The following DES variants were observed in gnomAD, a reference collection of about 807,000 sequenced individuals.
DES encodes the protein cardiomyopathy, dilated 1F (autosomal dominant).
A neutral mutation model predicts 55.1 loss-of-function variants in DES; 34 were observed. The ratio of observed to expected loss-of-function variants is 0.62; its 90% CI spans 0.47 to 0.82. DES has a LOEUF of 0.82. Among genes scored for constraint, DES ranks in the 40% least tolerant of loss-of-function variants. The probability of loss-of-function intolerance (pLI) is 0.00; values close to 1 mark genes in which losing one functional copy is unlikely to be tolerated. For synonymous variants in DES, 259 were observed against 270.8 expected (o/e 0.96, Z 0.43); for missense variants, 596 against 645.9 (o/e 0.92, Z 0.84).
rs376252504 is a variant in DES at position 219,421,583 on chromosome 2, G to A, written c.1244+23G>A. ...CCGGTGAGGGGCCAGGCAGGAGCCC[G>A]AGTGGGAGGTGCGGGGTGCTGGGTG... On this transcript the variant is annotated intron_variant, in intron 6 of 8. Transcript: ENST00000373960. 1.4e-4 allele frequency: 225 copies of A among 1,610,070 alleles called. No homozygotes were observed. In the African/African-American group the frequency reaches 2.4e-3, roughly 17 times the overall value.
At chr2:219,424,903 T>G (rs569255694) in intron 7 of DES, among the ~76,000 whole-genome samples, 2 of 151,764 alleles carry the variant, frequency 1.3e-5, no homozygotes, top group Non-Finnish European at 2.9e-5. Context: ...TCATCTGAAT[T>G]TTTTTTTTCT....
In DES at chr2:219,426,367, C is replaced by T. The variant is rs1422917484; in HGVS notation, c.*377C>T. 4.9e-6 allele frequency: 2 copies of T among 409,142 alleles called. No individual in the cohort carries two copies. The highest frequency in any genetic ancestry group is 7.1e-5 in the Admixed American group (2 of 28,042). The allele number at this position is 409,142 out of a possible 1,614,324, so 25.3% of individuals were successfully genotyped here. Reference sequence around the variant, plus strand: ...AGCAGGGTGTTGGGATACTGCAGGGCCAGGACTGAGCCCCGCAGACCTCCC... The same window carrying T: ...AGCAGGGTGTTGGGATACTGCAGGGTCAGGACTGAGCCCCGCAGACCTCCC... On this transcript the variant is annotated 3_prime_UTR_variant, in exon 9 of 9. Coordinates refer to ENST00000373960, the MANE Select transcript of DES (RefSeq NM_001927.4). This position sits in a 1 kb window ranked among gnomAD's most constrained non-coding sequence, Gnocchi z 4.5.
Position 219,419,082 on chromosome 2 carries a change from G to C in DES, c.578+42G>C. On this transcript the variant is annotated intron_variant, in intron 1 of 8. Transcript: ENST00000373960. This position sits in a 1 kb window ranked among gnomAD's most constrained non-coding sequence, Gnocchi z 4.3. The stretch of plus-strand genomic sequence containing the variant: ...CCAGACTCCTCTTTCTGCGGGCAGG[G>C]CACAGGAGGCTAGGCCTGGGGTCTG... 6.5e-7 allele frequency: 1 copy of C among 1,535,422 alleles called. No homozygotes were observed. Among genetic ancestry groups the C allele is most frequent in the Non-Finnish European group, 8.7e-7 (1 of 1,146,560 alleles).
Position 219,419,008 on chromosome 2 carries a change from C to T in DES, c.546C>T (p.Asn182=). The change falls in exon 1 of 9, where the codon AAC becomes AAT. Residue 182 remains asparagine, a synonymous_variant. Transcript: ENST00000373960. This position sits in a 1 kb window ranked among gnomAD's most constrained non-coding sequence, Gnocchi z 4.3. ...QRARVDVERD[N]LLDDLQRLKA... is the part of the protein sequence containing the mutation. Reference sequence around the variant, plus strand: ...CGCGCGTCGACGTCGAGCGCGACAACCTGCTCGACGACCTGCAGCGGCTCA... The same window carrying T: ...CGCGCGTCGACGTCGAGCGCGACAATCTGCTCGACGACCTGCAGCGGCTCA... The T allele has an allele frequency of 5.2e-6, 8 of 1,546,992 alleles. No homozygotes were observed. The highest frequency in any genetic ancestry group is 7.0e-6 in the Non-Finnish European group (8 of 1,147,582).
rs1954423268 is a variant in DES, at chr2:219,420,681, G to A, written c.897+25G>A. On this transcript the variant is annotated intron_variant, in intron 4 of 8. Transcript: ENST00000373960. This position sits in a 1 kb window ranked among gnomAD's most constrained non-coding sequence, Gnocchi z 6.0. Reference sequence around the variant, plus strand: ...GGTGGGTGGCCTCGCCCGGGGACTGGCATCTCCGTCCCCCTGAATCCCAGC... The same window carrying A: ...GGTGGGTGGCCTCGCCCGGGGACTGACATCTCCGTCCCCCTGAATCCCAGC... 6.2e-7 allele frequency: 1 copy of A among 1,613,882 alleles called. No individual in the cohort carries two copies. The highest frequency in any genetic ancestry group is 1.1e-5 in the South Asian group (1 of 91,070).
In DES at chr2:219,418,996, CGAGCGCGACAACCT is replaced by C; in HGVS notation, c.536_549del (p.Glu179AlafsTer41). 6.5e-7 allele frequency: 1 copy of C among 1,549,368 alleles called. No individual in the cohort carries two copies. Among genetic ancestry groups the C allele is most frequent in the Non-Finnish European group, 8.7e-7 (1 of 1,147,858 alleles). ...CTAACCAGCGCGCGCGCGTCGACGT[CGAGCGCGACAACCT>C]GCTCGACGACCTGCAGCGGCTCAAG... On this transcript the variant is annotated frameshift_variant, in exon 1 of 9. Coordinates refer to ENST00000373960, the MANE Select transcript of DES (RefSeq NM_001927.4). LOFTEE classifies it high-confidence loss of function.
chr2:219,418,417 C>CCGCCGCCTCCT lies in DES; in HGVS notation c.-44_-34dup. ...ATCCACTCTCCGGCCGGCCGCCTGC[C>CCGCCGCCTCCT]CGCCGCCTCCTCCGTGCGCCCGCCA... On this transcript the variant is annotated 5_prime_UTR_variant, in exon 1 of 9. Coordinates refer to ENST00000373960, the MANE Select transcript of DES (RefSeq NM_001927.4). 3.9e-6 allele frequency: 6 copies of CCGCCGCCTCCT among 1,533,478 alleles called. No individual in the cohort carries two copies. Among genetic ancestry groups the CCGCCGCCTCCT allele is most frequent in the Non-Finnish European group, 5.2e-6 (6 of 1,149,896 alleles). 95.0% of individuals were successfully genotyped at this position (1,533,478 alleles called of 1,614,324 possible). A position where few individuals can be genotyped will look rare whatever the true frequency, so the allele number is the denominator to read the frequency against.
intron 7 of DES, chr2:219,425,410 C>G (rs1335579625): frequency 1.9e-6 from 1 of 518,054 alleles, no homozygotes; most frequent in Non-Finnish European, 3.5e-6. Flanking sequence ...CTGCACCATC[C>G]TGCACATGGA....
Position 219,426,564 on chromosome 2 carries a change from G to A in DES, c.*574G>A, listed in dbSNP as rs1954542193. ...GGGAATCCCCGAAGGTGCTGGAGGT[G>A]GGAGCAGGAGATTGAGAAGGAGAGA... On this transcript the variant is annotated 3_prime_UTR_variant, in exon 9 of 9. Coordinates refer to ENST00000373960, the MANE Select transcript of DES (RefSeq NM_001927.4). This position sits in a 1 kb window ranked among gnomAD's most constrained non-coding sequence, Gnocchi z 4.5. 5.6e-6 allele frequency: 1 copy of A among 177,788 alleles called. No homozygotes were observed. The highest frequency in any genetic ancestry group is 1.2e-5 in the Non-Finnish European group (1 of 82,090). 11.0% of individuals were successfully genotyped at this position (177,788 alleles called of 1,614,324 possible).
At chr2:219,423,973 T>G in intron 7 of DES, 153 bp downstream of exon 7, 1 of 808,106 alleles carries the variant, frequency 1.2e-6, no homozygotes, top group Non-Finnish European at 2.1e-6. Flanking sequence ...TGCGGGTAGG[T>G]GGGGGAGTTT....
At position 219,418,421 on chromosome 2, in the gene DES, C is replaced by G; in HGVS notation, c.-42C>G. 1.9e-6 allele frequency: 3 copies of G among 1,539,390 alleles called. No individual in the cohort carries two copies. Among genetic ancestry groups the G allele is most frequent in the Non-Finnish European group, 2.6e-6 (3 of 1,152,838 alleles). ...ACTCTCCGGCCGGCCGCCTGCCCGC[C>G]GCCTCCTCCGTGCGCCCGCCAGCCT... On this transcript the variant is annotated 5_prime_UTR_variant, in exon 1 of 9. Transcript: ENST00000373960.
Position 219,422,463 on chromosome 2 carries a change from C to CTTTTTTTTTTTTT in DES, c.1244+910_1244+922dup, listed in dbSNP as rs71040455. On this transcript the variant is annotated intron_variant, in intron 6 of 8. Transcript: ENST00000373960. ...GTGGGATAACAGAAATGTTCTATAT[C>CTTTTTTTTTTTTT]TTTTTTTTTTTTTTTTTTTGAGACA... 5.6e-3 allele frequency among the ~76,000 whole-genome samples: 579 copies of CTTTTTTTTTTTTT among 103,484 alleles called. 73 individuals are homozygous for CTTTTTTTTTTTTT. The highest frequency in any genetic ancestry group is 0.018 in the African/African-American group (460 of 25,074). 67.9% of individuals were successfully genotyped at this position (103,484 alleles called of 152,430 possible).
rs757644636 is a variant in DES at position 219,419,002 on chromosome 2, C to G, written c.540C>G (p.Arg180=). The G allele has an allele frequency of 2.6e-6, 4 of 1,548,220 alleles. No individual in the cohort carries two copies. The highest frequency in any genetic ancestry group is 1.9e-5 in the Admixed American group (1 of 51,294). Residue 180 remains arginine, a synonymous_variant, in exon 1 of 9, where the codon CGC becomes CGG. Coordinates refer to ENST00000373960, the MANE Select transcript of DES (RefSeq NM_001927.4). The surrounding 1 kb of genome is among the most constrained non-coding windows in gnomAD (Gnocchi z 4.3). ...TNQRARVDVE[R]DNLLDDLQRL... The stretch of plus-strand genomic sequence containing the variant: ...AGCGCGCGCGCGTCGACGTCGAGCG[C>G]GACAACCTGCTCGACGACCTGCAGC...
chr2:219,418,402 C>G lies in DES; in HGVS notation c.-61C>G, dbSNP rs1229826792. On this transcript the variant is annotated 5_prime_UTR_variant, in exon 1 of 9. Coordinates refer to ENST00000373960, the MANE Select transcript of DES (RefSeq NM_001927.4). ...GTCTCCCCTCGCCGCATCCACTCTC[C>G]GGCCGGCCGCCTGCCCGCCGCCTCC... 1.3e-6 allele frequency: 2 copies of G among 1,503,456 alleles called. No individual in the cohort carries two copies. Among genetic ancestry groups the G allele is most frequent in the Middle Eastern group, 2.4e-4 (1 of 4,216 alleles). 93.1% of individuals were successfully genotyped at this position (1,503,456 alleles called of 1,614,324 possible).
At chr2:219,423,360 G>A (rs1954477579) in intron 6 of DES, among the ~76,000 whole-genome samples, 1 of 152,128 alleles carries the variant, frequency 6.6e-6, no homozygotes, top group African/African-American at 2.4e-5. Flanking sequence ...GGGGTCCGTG[G>A]GACTGGGACA....
rs768129908 is a variant in DES, at chr2:219,420,173, C to T, written c.639+18C>T. 7 of 1,614,136 alleles carry T rather than the reference C, an allele frequency of 4.3e-6. No homozygotes were observed. The African/African-American group carries it at 8.0e-5, about 18-fold the overall frequency. On this transcript the variant is annotated intron_variant, in intron 2 of 8. Coordinates refer to ENST00000373960, the MANE Select transcript of DES (RefSeq NM_001927.4). The surrounding 1 kb of genome is among the most constrained non-coding windows in gnomAD (Gnocchi z 6.0). ...TCCGAGCGGTGAGTGCCCTTCTTTT[C>T]CCCTTGCATGGCCTCTGGCCTTGCT...
At position 219,419,925 on chromosome 2, in the gene DES, C is replaced by A; in HGVS notation, c.579-170C>A. ...GGCAGAGATTGGGCCACTTCCTGTG[C>A]CCTCCCTGGGTGGGTGGGGCCTCTC... On this transcript the variant is annotated intron_variant, in intron 1 of 8. Coordinates refer to ENST00000373960, the MANE Select transcript of DES (RefSeq NM_001927.4). This position sits in a 1 kb window ranked among gnomAD's most constrained non-coding sequence, Gnocchi z 4.3. 2.8e-6 allele frequency: 2 copies of A among 711,042 alleles called. No individual in the cohort carries two copies. The highest frequency in any genetic ancestry group is 5.1e-6 in the Non-Finnish European group (2 of 393,198). 44.0% of individuals were successfully genotyped at this position (711,042 alleles called of 1,614,324 possible).
rs1207948221 is a variant in DES at position 219,420,425 on chromosome 2, G to A, written c.736-70G>A. The stretch of plus-strand genomic sequence containing the variant: ...AAAGTGGGGTTGGGGTGAGGCTCTG[G>A]CTGGGAATAGGGGTGTGAGGGTGCT... On this transcript the variant is annotated intron_variant, in intron 3 of 8. Coordinates refer to ENST00000373960, the MANE Select transcript of DES (RefSeq NM_001927.4). This position sits in a 1 kb window ranked among gnomAD's most constrained non-coding sequence, Gnocchi z 6.0. The A allele has an allele frequency of 6.2e-7, 1 of 1,612,710 alleles. No homozygotes were observed. The highest frequency in any genetic ancestry group is 8.5e-7 in the Non-Finnish European group (1 of 1,179,446).
At chr2:219,423,944 G>A in intron 7 of DES, 124 bp downstream of exon 7, 1 of 1,080,058 alleles carries the variant, frequency 9.3e-7, no homozygotes, top group African/African-American at 1.6e-5. Flanking sequence ...TGGAGTCTGG[G>A]GAAGAAAAAG....
Sources: allele counts gnomAD v4.1 joint callset (sites outside exome capture counted in the v4.1 genomes callset), GRCh38; gene constraint gnomAD v4.1.1; non-coding constraint Gnocchi (gnomAD v3.1); transcripts MANE v1.5; gene names NCBI Gene and HGNC (gene_info 2026-07-23, HGNC 2026-07-21).